Variants in RMND1 observed in about 807,000 individuals in gnomAD.
RMND1 encodes the protein required for meiotic nuclear division protein 1 homolog.
Under a neutral mutation model 54.0 loss-of-function variants are expected in RMND1, and 41 were observed. The observed-to-expected ratio is 0.76, with a 90% CI of 0.59 to 0.98. The LOEUF (loss-of-function observed/expected upper bound fraction) is 0.98. Among genes scored for constraint, RMND1 ranks in the 50% least tolerant of loss-of-function variants. RMND1 has a pLI of 0.00. For missense variants in RMND1, 457 were observed against 532.0 expected (o/e 0.86, Z 1.39); for synonymous variants, 183 against 181.7 (o/e 1.01, Z -0.06).
chr6:151,427,625 C>T, intron 5 of RMND1, 43 bp from the exon 6 acceptor site: 1 of 1,226,802 alleles, frequency 8.2e-7, no homozygotes. Context: ...AACTGACTCC[C>T]TCAGTTCAAG....
At chr6:151,450,218 G>T (rs1201873229) in intron 1 of RMND1, among the ~76,000 whole-genome samples, 1 of 151,372 alleles carries the variant, frequency 6.6e-6, no homozygotes, top group South Asian at 2.1e-4. Context: ...GTCTCTGCCC[G>T]GCCGCCCATC....
chr6:151,429,249 G>A (rs1004075225), intron 5 of RMND1, among the ~76,000 whole-genome samples: 15 of 151,938 alleles, frequency 9.9e-5, no homozygotes, highest in Admixed American at 2.6e-4. Context: ...AGCTACCCGA[G>A]TAGCTGGGAT....
chr6:151,432,434 G>A (rs1474667982), intron 4 of RMND1, among the ~76,000 whole-genome samples: 1 of 152,158 alleles, frequency 6.6e-6, no homozygotes, highest in East Asian at 1.9e-4. Flanking sequence ...CAACTATAAG[G>A]ATTATGACCA....
At chr6:151,436,227 A>G (rs1236134355) in intron 3 of RMND1, 8 of 486,348 alleles carry the variant, frequency 1.6e-5, no homozygotes, top group Admixed American at 3.3e-5. Context: ...ATGATCCTAT[A>G]AATAATCTTA....
At chr6:151,450,356 G>A (rs1489721614) in intron 1 of RMND1, among the ~76,000 whole-genome samples, 1 of 148,294 alleles carries the variant, frequency 6.7e-6, no homozygotes, top group South Asian at 2.1e-4. Flanking sequence ...CGGGAGGGAG[G>A]TGGGGGTCAG....
At chr6:151,439,471 T>C (rs544361274) in intron 2 of RMND1, among the ~76,000 whole-genome samples, 20 of 152,280 alleles carry the variant, frequency 1.3e-4, no homozygotes, top group African/African-American at 2.4e-4. Context: ...GAGAGCTTTA[T>C]ACCAGAGAGC....
Position 151,435,649 on chromosome 6 carries a change from A to G in RMND1, c.613+797T>C, listed in dbSNP as rs1485681784. Among the ~76,000 whole-genome samples, 4 of 150,054 alleles carry G rather than the reference A, an allele frequency of 2.7e-5. No individual in the cohort carries two copies. The East Asian group carries it at 8.0e-4, about 30-fold the overall frequency. On this transcript the variant is annotated intron_variant, in intron 3 of 11. Transcript: ENST00000444024. ...TGGTCAGGTTGGTCTCAAACTCCCAACCTCAGGTGATCTGCCCGCCTCGGC... is the reference window on the plus strand; with the variant it reads ...TGGTCAGGTTGGTCTCAAACTCCCAGCCTCAGGTGATCTGCCCGCCTCGGC...
At chr6:151,424,479 G>A (rs1780240479) in intron 6 of RMND1, among the ~76,000 whole-genome samples, 1 of 151,204 alleles carries the variant, frequency 6.6e-6, no homozygotes, top group African/African-American at 2.4e-5. Context: ...AAAAAAAAAG[G>A]TCAGTGTTTA....
chr6:151,429,749 T>C (rs1255460952), intron 5 of RMND1, among the ~76,000 whole-genome samples: 1 of 152,166 alleles, frequency 6.6e-6, no homozygotes, highest in African/African-American at 2.4e-5. Flanking sequence ...CAAATCTTGA[T>C]TTGGATCTTG....
In RMND1 at chr6:151,405,264, T is replaced by C; in HGVS notation, c.1321A>G (p.Met441Val). ...AAAAATACTCGTCCCAGCTCAAACA[T>C]TACCTTAGAATAGAAAGTGAGAATT... ...MIVILITIEVMFELGRVFF is the reference protein window; with the variant it reads ...MIVILITIEVVFELGRVFF The change falls in exon 12 of 12, where the codon ATG becomes GTG. Residue 441 changes from methionine to valine, a missense_variant. Transcript: ENST00000444024. The C allele has an allele frequency of 1.2e-6, 2 of 1,612,600 alleles. No homozygotes were observed. Among genetic ancestry groups the C allele is most frequent in the Non-Finnish European group, 8.5e-7 (1 of 1,178,734 alleles).
chr6:151,429,777 G>A (rs2114948918), intron 5 of RMND1, among the ~76,000 whole-genome samples: 1 of 152,258 alleles, frequency 6.6e-6, no homozygotes, highest in East Asian at 1.9e-4. Context: ...TATTTCCCAT[G>A]AGTAGTAAGT....
chr6:151,429,473 G>C (rs1780394878), intron 5 of RMND1, among the ~76,000 whole-genome samples: 3 of 152,032 alleles, frequency 2.0e-5, no homozygotes, highest in South Asian at 4.1e-4. Context: ...CAATCTCCCA[G>C]AAATAGATAT....
intron 10 of RMND1, among the ~76,000 whole-genome samples, chr6:151,410,631 C>T (rs1022345610): frequency 3.3e-5 from 5 of 152,106 alleles, no homozygotes; most frequent in African/African-American, 1.2e-4. Context: ...CACAGTGAGA[C>T]TGGGGAATGA....
intron 8 of RMND1, 41 bp from the exon 9 acceptor site, chr6:151,421,362 C>G: frequency 1.8e-5 from 26 of 1,455,808 alleles, no homozygotes; most frequent in Non-Finnish European, 2.5e-5. Flanking sequence ...AACCATGTAT[C>G]TCTCTTTCTA....
intron 6 of RMND1, among the ~76,000 whole-genome samples, chr6:151,424,892 C>CGGT (rs1780251998): frequency 7.0e-6 from 1 of 143,444 alleles, no homozygotes; most frequent in Non-Finnish European, 1.5e-5. Context: ...TGGAGGGCGG[C>CGGT]ATCTGCTATG....
At chr6:151,424,118 T>C (rs372341103) in intron 6 of RMND1, among the ~76,000 whole-genome samples, 2 of 151,826 alleles carry the variant, frequency 1.3e-5, no homozygotes, top group South Asian at 4.2e-4. Context: ...CCCAAAGTGG[T>C]GCGACTACAG....
At chr6:151,419,647 C>T (rs1362329398) in intron 9 of RMND1, among the ~76,000 whole-genome samples, 8 of 140,206 alleles carry the variant, frequency 5.7e-5, no homozygotes, top group African/African-American at 1.9e-4. Flanking sequence ...GCACTCTAGT[C>T]TGGGTGACAA....
At chr6:151,450,455 G>GGGTCAGCCCCCCGCCA (rs71014587) in intron 1 of RMND1, among the ~76,000 whole-genome samples, 1 of 89,374 alleles carries the variant, frequency 1.1e-5, no homozygotes, top group African/African-American at 5.0e-5. Context: ...GGAGGTGGGG[G>GGGTCAGCCCCCCGCCA]GGCCAGCCCC....
chr6:151,426,111 G>T (rs77249451), intron 6 of RMND1, among the ~76,000 whole-genome samples: 17,449 of 151,876 alleles, frequency 0.11, 1,024 homozygotes, highest in Middle Eastern at 0.18. Flanking sequence ...ACTATGCCCG[G>T]GTAATTTTTG....
Sources: allele counts gnomAD v4.1 joint callset (sites outside exome capture counted in the v4.1 genomes callset), GRCh38; gene constraint gnomAD v4.1.1; transcripts MANE v1.5; gene names NCBI Gene and HGNC (gene_info 2026-07-23, HGNC 2026-07-21).